The following CCDC125 variants were observed in gnomAD, a reference collection of about 807,000 sequenced individuals.
The protein encoded by CCDC125 is coiled-coil domain-containing protein 125.
Under a neutral mutation model 57.4 loss-of-function variants are expected in CCDC125, and 43 were observed. The observed-to-expected ratio is 0.75, with a 90% CI of 0.59 to 0.97. The LOEUF (loss-of-function observed/expected upper bound fraction) is 0.97, where lower values mean the gene tolerates loss of function less well. Ranked by LOEUF, CCDC125 falls within the 50% of genes least tolerant of loss-of-function variation. The pLI is 0.00. For missense variants in CCDC125, 563 were observed against 595.7 expected (o/e 0.95, Z 0.57); for synonymous variants, 187 against 195.2 (o/e 0.96, Z 0.35).
intron 6 of CCDC125, among the ~76,000 whole-genome samples, chr5:69,305,369 C>T (rs1369204789): frequency 5.3e-5 from 8 of 152,182 alleles, no homozygotes; most frequent in South Asian, 2.1e-4. Context: ...TGTGCCACCA[C>T]GCCCAGTTAA....
chr5:69,316,767 C>A (rs1254332472), intron 2 of CCDC125, among the ~76,000 whole-genome samples: 1 of 152,044 alleles, frequency 6.6e-6, no homozygotes, highest in African/African-American at 2.4e-5. Context: ...CCCACCTCGG[C>A]CTCCCAAAAT....
intron 3 of CCDC125, among the ~76,000 whole-genome samples, chr5:69,312,650 A>G (rs1240852470): frequency 1.3e-5 from 2 of 152,174 alleles, no homozygotes; most frequent in Non-Finnish European, 2.9e-5. Flanking sequence ...AGGAGATAAG[A>G]GAAGTGGGGT....
Position 69,282,368 on chromosome 5 carries a change from C to A in CCDC125, c.*361G>T. 1 of 166,300 alleles carries A rather than the reference C, an allele frequency of 6.0e-6. No homozygotes were observed. 10.3% of individuals were successfully genotyped at this position (166,300 alleles called of 1,614,324 possible). On this transcript the variant is annotated 3_prime_UTR_variant, in exon 12 of 12. Coordinates refer to ENST00000396496, the MANE Select transcript of CCDC125 (RefSeq NM_176816.5). ...CTTGAGGTCAGGAGTTCAAGATCAG[C>A]CTGGCTAACATGGTAAAACCCCGTC...
intron 2 of CCDC125, among the ~76,000 whole-genome samples, chr5:69,319,983 T>C (rs1759756858): frequency 6.6e-6 from 1 of 151,846 alleles, no homozygotes. Flanking sequence ...TAGCCAGGTG[T>C]AGTGGTGCAT....
At chr5:69,310,577 C>T (rs908632855) in intron 4 of CCDC125, 1 of 157,692 alleles carries the variant, frequency 6.3e-6, no homozygotes, top group African/African-American at 2.4e-5. Context: ...TGGACTAATA[C>T]ACCACCCAAA....
intron 1 of CCDC125, among the ~76,000 whole-genome samples, chr5:69,328,994 C>G (rs764789280): frequency 6.6e-6 from 1 of 151,350 alleles, no homozygotes; most frequent in Non-Finnish European, 1.5e-5. Context: ...GGAGTTTCAC[C>G]GTGTTAAGCA....
chr5:69,276,389 C>G (rs1752141689), downstream of CCDC125, among the ~76,000 whole-genome samples: 2 of 152,142 alleles, frequency 1.3e-5, no homozygotes, highest in East Asian at 1.9e-4. Context: ...GTAGTAATTT[C>G]CATTTGCAAA....
chr5:69,279,621 C>T (rs1173459267), downstream of CCDC125, among the ~76,000 whole-genome samples: 1 of 152,086 alleles, frequency 6.6e-6, no homozygotes, highest in Non-Finnish European at 1.5e-5. Context: ...TGGCACTCAC[C>T]ACAGGACAGC....
At chr5:69,292,831 T>C (rs1010962825) in intron 9 of CCDC125, among the ~76,000 whole-genome samples, 1 of 151,968 alleles carries the variant, frequency 6.6e-6, no homozygotes, top group Non-Finnish European at 1.5e-5. Context: ...CTTCTATTTT[T>C]TTCTTCTTCT....
intron 8 of CCDC125, among the ~76,000 whole-genome samples, chr5:69,297,701 C>A (rs549851656): frequency 1.3e-5 from 2 of 150,844 alleles, no homozygotes; most frequent in African/African-American, 4.9e-5. Context: ...TGGTGGCTCA[C>A]GCCTGTAATC....
At chr5:69,280,029 C>T (rs932162615), downstream of CCDC125, 1 of 152,090 alleles carries the variant, frequency 6.6e-6, no homozygotes, top group East Asian at 1.9e-4. Flanking sequence ...ATGAGAACAG[C>T]ATGGGGGATA....
Position 69,282,698 on chromosome 5 carries a change from ACT to A in CCDC125, c.*29_*30del. On this transcript the variant is annotated 3_prime_UTR_variant, in exon 12 of 12. Transcript: ENST00000396496. Reference sequence around the variant, plus strand: ...TTTTCAAAGTATCTCGATATAAACAACTCTCAGTTCCAATTTCAACTGGCTTG... The same window carrying A: ...TTTTCAAAGTATCTCGATATAAACAACTCAGTTCCAATTTCAACTGGCTTG... 2 of 1,512,326 alleles carry A rather than the reference ACT, an allele frequency of 1.3e-6. No homozygotes were observed. The highest frequency in any genetic ancestry group is 1.8e-6 in the Non-Finnish European group (2 of 1,124,778). The allele number at this position is 1,512,326 out of a possible 1,614,324, so 93.7% of individuals were successfully genotyped here.
At position 69,322,782 on chromosome 5, in the gene CCDC125, C is replaced by T. The variant is rs181767315; in HGVS notation, c.-40-2202G>A. Among the ~76,000 whole-genome samples the T allele has an allele frequency of 2.9e-4, 43 of 149,952 alleles. No individual in the cohort carries two copies. In the East Asian group the frequency reaches 9.2e-3, roughly 32 times the overall value. On this transcript the variant is annotated intron_variant, in intron 1 of 11. Coordinates refer to ENST00000396496, the MANE Select transcript of CCDC125 (RefSeq NM_176816.5). ...TTCACCATGTTGGTCAGGCTGGTCT[C>T]AAACTCCTGACCTCATGATACACCC...
At chr5:69,309,441 G>C (rs898401834) in intron 4 of CCDC125, 5 of 152,196 alleles carry the variant, frequency 3.3e-5, no homozygotes, top group African/African-American at 1.2e-4. Context: ...GAATATAGAG[G>C]GTGCAAGCCC....
chr5:69,319,203 C>T (rs889795821), intron 2 of CCDC125, among the ~76,000 whole-genome samples: 1 of 152,136 alleles, frequency 6.6e-6, no homozygotes, highest in Non-Finnish European at 1.5e-5. Flanking sequence ...GCTGGGATTA[C>T]AGGCATGAGC....
chr5:69,318,579 C>G (rs1268763876), intron 2 of CCDC125, among the ~76,000 whole-genome samples: 1 of 119,974 alleles, frequency 8.3e-6, no homozygotes, highest in Non-Finnish European at 1.8e-5. Context: ...CCCATCTCTA[C>G]TAAAAATACA....
In CCDC125 at chr5:69,327,386, G is replaced by A. The variant is rs141505462; in HGVS notation, c.-41+5263C>T. Among the ~76,000 whole-genome samples the A allele has an allele frequency of 4.5e-3, 679 of 152,130 alleles. 8 individuals carry two copies. The highest frequency in any genetic ancestry group is 0.014 in the African/African-American group (592 of 41,502). On this transcript the variant is annotated intron_variant, in intron 1 of 11. Coordinates refer to ENST00000396496, the MANE Select transcript of CCDC125 (RefSeq NM_176816.5). The stretch of plus-strand genomic sequence containing the variant: ...TGGGATTACAGGCATGAGCCACCCC[G>A]CCTGGCCTATTCTCCCACTTTTTAT...
At chr5:69,321,716 T>C (rs1037775876) in intron 1 of CCDC125, among the ~76,000 whole-genome samples, 5 of 152,230 alleles carry the variant, frequency 3.3e-5, no homozygotes, top group African/African-American at 1.2e-4. Flanking sequence ...AACTGTATAA[T>C]AAAGCTGAAT....
intron 6 of CCDC125, among the ~76,000 whole-genome samples, 200 bp downstream of exon 6, chr5:69,306,617 G>A (rs146084963): frequency 4.5e-4 from 69 of 152,334 alleles, no homozygotes; most frequent in South Asian, 8.3e-4. Flanking sequence ...GATTAAAGGT[G>A]TGAGACACCA....
Sources: allele counts gnomAD v4.1 joint callset (sites outside exome capture counted in the v4.1 genomes callset), GRCh38; gene constraint gnomAD v4.1.1; transcripts MANE v1.5; gene names NCBI Gene and HGNC (gene_info 2026-07-23, HGNC 2026-07-21).